The following MACROD2 variants were observed in gnomAD, a reference collection of about 807,000 sequenced individuals.
MACROD2 encodes the protein mono-ADP ribosylhydrolase 2.
Under a neutral mutation model 70.4 loss-of-function variants are expected in MACROD2, and 36 were observed. The observed-to-expected ratio is 0.51, with a 90% CI of 0.39 to 0.68. MACROD2 has a LOEUF of 0.68. Ranked by LOEUF, MACROD2 falls within the 30% of genes least tolerant of loss-of-function variation. The pLI is 0.00. For missense variants in MACROD2, 496 were observed against 538.4 expected (o/e 0.92, Z 0.78); for synonymous variants, 172 against 178.8 (o/e 0.96, Z 0.30).
chr20:15,404,973 C>T (rs111899026), intron 6 of MACROD2, among the ~76,000 whole-genome samples: 4 of 152,124 alleles, frequency 2.6e-5, no homozygotes, highest in African/African-American at 4.8e-5. Context: ...AGTACTGATA[C>T]GTGCTACAAT....
chr20:15,667,808 C>T (rs2049922286), intron 8 of MACROD2, among the ~76,000 whole-genome samples: 1 of 152,072 alleles, frequency 6.6e-6, no homozygotes, highest in Non-Finnish European at 1.5e-5. Flanking sequence ...AGAACAGTGT[C>T]CTGCTTTGGT....
chr20:15,222,782 GCT>G (rs2076873052), intron 5 of MACROD2, among the ~76,000 whole-genome samples: 2 of 152,252 alleles, frequency 1.3e-5, no homozygotes, highest in Non-Finnish European at 1.5e-5. Flanking sequence ...ACCTATCTGT[GCT>G]CTCTCATTTG....
chr20:15,816,863 G>T (rs2063881709), intron 8 of MACROD2, among the ~76,000 whole-genome samples: 2 of 152,314 alleles, frequency 1.3e-5, no homozygotes, highest in South Asian at 4.1e-4. Flanking sequence ...TGTGAAAACA[G>T]ATAGAAACTC....
intron 5 of MACROD2, among the ~76,000 whole-genome samples, chr20:14,875,142 G>A (rs1466996495): frequency 6.6e-6 from 1 of 152,036 alleles, no homozygotes; most frequent in Non-Finnish European, 1.5e-5. Context: ...TAGCACTTTG[G>A]GAGGCTGAGG....
chr20:15,866,975 C>T (rs141948811), intron 9 of MACROD2, among the ~76,000 whole-genome samples: 33 of 152,218 alleles, frequency 2.2e-4, no homozygotes, highest in Admixed American at 5.2e-4. Flanking sequence ...ACAGAGCAGG[C>T]GGCTTAAACC....
intron 9 of MACROD2, among the ~76,000 whole-genome samples, chr20:15,870,051 G>A (rs544190727): frequency 4.0e-5 from 6 of 151,782 alleles, no homozygotes; most frequent in South Asian, 2.1e-4. Flanking sequence ...TTTTTAAAAC[G>A]AAACAAATCA....
At chr20:14,711,097 C>T (rs913147424) in intron 5 of MACROD2, among the ~76,000 whole-genome samples, 8 of 152,150 alleles carry the variant, frequency 5.3e-5, no homozygotes, top group African/African-American at 1.7e-4. Flanking sequence ...AGCACCAGGT[C>T]GAAAATTCAA....
At chr20:15,688,180 A>G (rs953052821) in intron 8 of MACROD2, among the ~76,000 whole-genome samples, 3 of 152,242 alleles carry the variant, frequency 2.0e-5, no homozygotes, top group African/African-American at 7.2e-5. Context: ...GCTGATTGCC[A>G]TAAGAGATCT....
At chr20:14,978,421 A>G (rs2074762736) in intron 5 of MACROD2, among the ~76,000 whole-genome samples, 6 of 131,704 alleles carry the variant, frequency 4.6e-5, no homozygotes, top group Admixed American at 4.4e-4. Context: ...AGATATTTAC[A>G]TTGTTATCAG....
chr20:14,380,394 TAC>T (rs2083410291), intron 3 of MACROD2, among the ~76,000 whole-genome samples: 1 of 152,106 alleles, frequency 6.6e-6, no homozygotes, highest in African/African-American at 2.4e-5. Context: ...TGTCCTTCGG[TAC>T]ACAGAGTTTT....
chr20:14,253,745 G>A (rs1484301314), intron 3 of MACROD2, among the ~76,000 whole-genome samples: 1 of 152,032 alleles, frequency 6.6e-6, no homozygotes, highest in East Asian at 1.9e-4. Context: ...TGTGTTTTCT[G>A]AGTCAAAGGA....
chr20:14,271,072 CA>C (rs1262423337), intron 3 of MACROD2, among the ~76,000 whole-genome samples: 1 of 152,226 alleles, frequency 6.6e-6, no homozygotes, highest in Non-Finnish European at 1.5e-5. Flanking sequence ...AGGGCACAGA[CA>C]AACAAAAAGA....
chr20:15,448,589 C>T (rs1276734728), intron 7 of MACROD2, among the ~76,000 whole-genome samples: 1 of 152,120 alleles, frequency 6.6e-6, no homozygotes, highest in Non-Finnish European at 1.5e-5. Flanking sequence ...TAAATAAATG[C>T]ATACATGTTC....
At chr20:14,028,794 A>G (rs2053211916) in intron 2 of MACROD2, among the ~76,000 whole-genome samples, 1 of 152,146 alleles carries the variant, frequency 6.6e-6, no homozygotes, top group Non-Finnish European at 1.5e-5. Flanking sequence ...GGAAATGCAG[A>G]AATCAACCGT....
intron 5 of MACROD2, among the ~76,000 whole-genome samples, chr20:14,784,131 C>A (rs1156550007): frequency 6.6e-6 from 1 of 152,092 alleles, no homozygotes; most frequent in Non-Finnish European, 1.5e-5. Context: ...AATCACATTG[C>A]GTAGACTGGA....
At chr20:14,018,173 T>G (rs941701461) in intron 2 of MACROD2, among the ~76,000 whole-genome samples, 3 of 152,276 alleles carry the variant, frequency 2.0e-5, no homozygotes, top group African/African-American at 7.2e-5. Context: ...TACTCTTTCT[T>G]ATTTTCTTAA....
chr20:14,608,537 A>G (rs1416897598), intron 4 of MACROD2, among the ~76,000 whole-genome samples: 3 of 152,278 alleles, frequency 2.0e-5, no homozygotes, highest in South Asian at 4.1e-4. Context: ...TTTACTTTGC[A>G]TCTCATTCAT....
chr20:14,907,363 G>T (rs1474718462), intron 5 of MACROD2, among the ~76,000 whole-genome samples: 7 of 152,188 alleles, frequency 4.6e-5, no homozygotes, highest in Admixed American at 4.6e-4. Context: ...AATAAAAGTT[G>T]CAGTCTAACA....
chr20:15,535,673 G>A (rs920210097), intron 8 of MACROD2, among the ~76,000 whole-genome samples: 8 of 152,096 alleles, frequency 5.3e-5, no homozygotes, highest in African/African-American at 1.9e-4. Flanking sequence ...GAACAACCAA[G>A]GCAGGTGGTA....
Sources: allele counts gnomAD v4.1 joint callset (sites outside exome capture counted in the v4.1 genomes callset), GRCh38; gene constraint gnomAD v4.1.1; transcripts MANE v1.5; gene names NCBI Gene and HGNC (gene_info 2026-07-23, HGNC 2026-07-21).